The following FRMD6 variants were observed in gnomAD, a reference collection of about 807,000 sequenced individuals.
FRMD6 encodes the protein FERM domain-containing protein 6.
In FRMD6, 37 loss-of-function variants were observed where a neutral mutation model predicts 73.2. The ratio of observed to expected loss-of-function variants is 0.51; its 90% confidence interval spans 0.39 to 0.66. The LOEUF is 0.66. Ranked by LOEUF, FRMD6 falls within the 30% of genes least tolerant of loss-of-function variation. The probability of loss-of-function intolerance (pLI) is 0.00; values close to 1 mark genes in which losing one functional copy is unlikely to be tolerated. For synonymous variants in FRMD6, 273 were observed against 282.2 expected (o/e 0.97, Z 0.33); for missense variants, 714 against 780.5 (o/e 0.91, Z 1.02).
In FRMD6 at chr14:51,499,606, G is replaced by A. The variant is rs191119303; in HGVS notation, c.-210+10186G>A. ...GCCTGACCCCAGGCAGCCCAGCTCCGAGGTCCATGTTTCTAATCACTGTCC... is the reference window on the plus strand; with the variant it reads ...GCCTGACCCCAGGCAGCCCAGCTCCAAGGTCCATGTTTCTAATCACTGTCC... On this transcript the variant is annotated intron_variant, in intron 1 of 14. Coordinates refer to the FRMD6 transcript ENST00000356218. 2.7e-4 allele frequency among the ~76,000 whole-genome samples: 41 copies of A among 152,320 alleles called. No homozygotes were observed. The East Asian group carries it at 7.3e-3, about 27-fold the overall frequency.
In FRMD6 at chr14:51,514,400, G is replaced by A. The variant is rs540200516; in HGVS notation, c.-210+24980G>A. On this transcript the variant is annotated intron_variant, in intron 1 of 14. Coordinates refer to the FRMD6 transcript ENST00000356218. Reference sequence around the variant, plus strand: ...TTAGGACAAATACCTAATGCATGTGGAGCTTAAAACCTAGATGATAGGTTG... The same window carrying A: ...TTAGGACAAATACCTAATGCATGTGAAGCTTAAAACCTAGATGATAGGTTG... 3.0e-3 allele frequency among the ~76,000 whole-genome samples: 451 copies of A among 152,260 alleles called. 3 individuals carry two copies. The highest frequency in any genetic ancestry group is 6.8e-3 in the Middle Eastern group (2 of 294).
At chr14:51,709,298 AC>A (rs1354490609) in intron 7 of FRMD6, among the ~76,000 whole-genome samples, 3 of 152,080 alleles carry the variant, frequency 2.0e-5, no homozygotes, top group African/African-American at 7.2e-5. Flanking sequence ...ACAGCAACAT[AC>A]CTGCTTTTTA....
upstream of FRMD6, among the ~76,000 whole-genome samples, chr14:51,647,081 G>A (rs1318741597): frequency 6.6e-6 from 1 of 152,050 alleles, no homozygotes; most frequent in Non-Finnish European, 1.5e-5. Context: ...AAACAAAGTA[G>A]TTCTTTAAAT....
At chr14:51,448,062 T>C in the FRMD6 span, among the ~76,000 whole-genome samples, 2 of 152,226 alleles carry the variant, frequency 1.3e-5, no homozygotes, top group Non-Finnish European at 2.9e-5. Context: ...TAAGATAATC[T>C]CTGTGTTTGG....
intron 2 of FRMD6, among the ~76,000 whole-genome samples, chr14:51,695,701 TA>T (rs1209397274): frequency 3.9e-5 from 6 of 152,166 alleles, no homozygotes; most frequent in Non-Finnish European, 7.3e-5. Flanking sequence ...GAATGTAAAA[TA>T]AGACACTGTT....
chr14:51,402,174 G>A, the FRMD6 span, among the ~76,000 whole-genome samples: 1 of 152,236 alleles, frequency 6.6e-6, no homozygotes, highest in Non-Finnish European at 1.5e-5. Flanking sequence ...GAATCATTAT[G>A]GCCTTGAAGA....
Position 51,729,855 on chromosome 14 carries a change from G to C in FRMD6, c.*1826G>C, listed in dbSNP as rs575538191. The C allele has an allele frequency of 1.7e-4, 26 of 152,774 alleles. No individual in the cohort carries two copies. The highest frequency in any genetic ancestry group is 3.5e-4 in the Non-Finnish European group (24 of 68,032). 9.5% of individuals were successfully genotyped at this position (152,774 alleles called of 1,614,324 possible). ...TTAAAAGGAAAAAAAGTTCCATAGA[G>C]TTCTGTGGTCACAAAATTGTTTTGC... On this transcript the variant is annotated 3_prime_UTR_variant, in exon 14 of 14. Coordinates refer to ENST00000344768, the MANE Select transcript of FRMD6 (RefSeq NM_001267046.2).
At chr14:51,650,440 GGCTGGAGT>G (rs1399869028), upstream of FRMD6, 4 of 134,284 alleles carry the variant, frequency 3.0e-5, no homozygotes, top group Admixed American at 8.0e-5. Flanking sequence ...CTGTCGCCCA[GGCTGGAGT>G]GCAGTGGCGG....
At chr14:51,656,420 T>C (rs978235924) in intron 1 of FRMD6, among the ~76,000 whole-genome samples, 37 of 151,608 alleles carry the variant, frequency 2.4e-4, no homozygotes, top group Non-Finnish European at 5.3e-4. Context: ...TTCTTTTCTT[T>C]TTTTTTTTTC....
chr14:51,499,621 A>G (rs1485440591), intron 1 of FRMD6, among the ~76,000 whole-genome samples: 1 of 152,218 alleles, frequency 6.6e-6, no homozygotes, highest in South Asian at 2.1e-4. Flanking sequence ...CCATGTTTCT[A>G]ATCACTGTCC....
chr14:51,544,976 C>A lies in FRMD6; in HGVS notation c.-209-25372C>A, dbSNP rs551409900. Among the ~76,000 whole-genome samples, 4 of 152,060 alleles carry A rather than the reference C, an allele frequency of 2.6e-5. No homozygotes were observed. The East Asian group carries it at 7.7e-4, about 29-fold the overall frequency. ...AAAACCCACCTATAAATTTCCCGAA[C>A]CATTTGGAAAGGGTTGTATTAATAG... On this transcript the variant is annotated intron_variant, in intron 1 of 14. Coordinates refer to the FRMD6 transcript ENST00000356218.
At chr14:51,530,133 TACTC>T (rs1438436251) in intron 1 of FRMD6, among the ~76,000 whole-genome samples, 4 of 152,330 alleles carry the variant, frequency 2.6e-5, no homozygotes, top group East Asian at 3.9e-4. Context: ...AGGTAGTAAA[TACTC>T]AGTTAATCAT....
chr14:51,503,550 G>A (rs1883744853), intron 1 of FRMD6, among the ~76,000 whole-genome samples: 1 of 152,142 alleles, frequency 6.6e-6, no homozygotes, highest in African/African-American at 2.4e-5. Context: ...AACCAACCTT[G>A]CATCCCGGGG....
chr14:51,468,179 C>T, the FRMD6 span, among the ~76,000 whole-genome samples: 2 of 151,954 alleles, frequency 1.3e-5, no homozygotes, highest in Non-Finnish European at 2.9e-5. Flanking sequence ...CAATCCCAGG[C>T]ACTCGGCAGG....
intron 2 of FRMD6, among the ~76,000 whole-genome samples, chr14:51,599,653 G>C (rs1299661471): frequency 1.3e-5 from 2 of 151,896 alleles, no homozygotes; most frequent in African/African-American, 4.8e-5. Context: ...CAAGCAAAAA[G>C]CAATTAACCT....
At chr14:51,421,837 A>C in the FRMD6 span, among the ~76,000 whole-genome samples, 1 of 152,246 alleles carries the variant, frequency 6.6e-6, no homozygotes, top group African/African-American at 2.4e-5. Flanking sequence ...AGAGTCCCAC[A>C]GCATGAGGAA....
intron 2 of FRMD6, among the ~76,000 whole-genome samples, chr14:51,601,094 T>C (rs556067665): frequency 2.0e-3 from 310 of 152,174 alleles, no homozygotes; most frequent in Non-Finnish European, 3.7e-3. Context: ...AAGCTACCTC[T>C]CCTAGCTCTG....
At chr14:51,504,087 AT>A (rs1377017579) in intron 1 of FRMD6, among the ~76,000 whole-genome samples, 5 of 151,764 alleles carry the variant, frequency 3.3e-5, no homozygotes, top group Admixed American at 3.3e-4. Flanking sequence ...CCCCCTTACC[AT>A]TTCTGATTGT....
rs113505596 is a variant in FRMD6, at chr14:51,512,088, C to G, written c.-210+22668C>G. Among the ~76,000 whole-genome samples the G allele has an allele frequency of 4.4e-3, 672 of 152,138 alleles. 2 individuals carry two copies. Among genetic ancestry groups the G allele is most frequent in the African/African-American group, 0.016 (649 of 41,470 alleles). On this transcript the variant is annotated intron_variant, in intron 1 of 14. Coordinates refer to the FRMD6 transcript ENST00000356218. Reference sequence around the variant, plus strand: ...TTCAGTCCAGAACTAGAAATGAAGACGGCTAACTTTTGGGTCTTGCCTCTG... The same window carrying G: ...TTCAGTCCAGAACTAGAAATGAAGAGGGCTAACTTTTGGGTCTTGCCTCTG...
Sources: allele counts gnomAD v4.1 joint callset (sites outside exome capture counted in the v4.1 genomes callset), GRCh38; gene constraint gnomAD v4.1.1; transcripts MANE v1.5; gene names NCBI Gene and HGNC (gene_info 2026-07-23, HGNC 2026-07-21).